The following ATCAY variants were observed in gnomAD, a reference collection of about 807,000 sequenced individuals.
The protein encoded by ATCAY is caytaxin.
Under a neutral mutation model 47.7 loss-of-function variants are expected in ATCAY, and 22 were observed. The observed-to-expected ratio is 0.46, with a 90% CI of 0.33 to 0.66. The LOEUF (loss-of-function observed/expected upper bound fraction) is 0.66, where lower values mean the gene tolerates loss of function less well. ATCAY is among the 30% of genes least tolerant of loss of function. ATCAY has a pLI of 0.02. For synonymous variants in ATCAY, 216 were observed against 207.6 expected, an observed-to-expected ratio of 1.04 and a Z score of -0.35; for missense variants, 452 against 515.0, an observed-to-expected ratio of 0.88 and a Z score of 1.18.
At chr19:3,923,231 A>G (rs1213255121) in intron 12 of ATCAY, among the ~76,000 whole-genome samples, 1 of 152,196 alleles carries the variant, frequency 6.6e-6, no homozygotes, top group African/African-American at 2.4e-5. Context: ...AGCTCTCTGG[A>G]GATGAGTTCA....
Position 3,920,733 on chromosome 19 carries a change from A to G in ATCAY, c.1074-33A>G, listed in dbSNP as rs553274075. ...AATGCCCAGGCTCCCAAAAATAAGCAAATAACGCCCAGTCTCCGTCTCTCC... is the reference window on the plus strand; with the variant it reads ...AATGCCCAGGCTCCCAAAAATAAGCGAATAACGCCCAGTCTCCGTCTCTCC... On this transcript the variant is annotated intron_variant, in intron 11 of 12. Transcript: ENST00000450849. The G allele has an allele frequency of 2.4e-5, 37 of 1,544,798 alleles. 1 individual carries two copies. The South Asian group carries it at 4.4e-4, about 19-fold the overall frequency.
intron 7 of ATCAY, 134 bp downstream of exon 7, chr19:3,909,751 G>C (rs2145251621): frequency 1.5e-6 from 2 of 1,299,402 alleles, no homozygotes; most frequent in East Asian, 5.2e-5. Flanking sequence ...CCAGGAGTTT[G>C]AGACCAGCCT....
chr19:3,884,498 C>G (rs1255307432), intron 1 of ATCAY, among the ~76,000 whole-genome samples: 1 of 152,088 alleles, frequency 6.6e-6, no homozygotes, highest in Non-Finnish European at 1.5e-5. Flanking sequence ...TCTCTTTGAA[C>G]TTGGCATTCC....
At chr19:3,882,977 G>T (rs957844031) in intron 1 of ATCAY, among the ~76,000 whole-genome samples, 1 of 151,864 alleles carries the variant, frequency 6.6e-6, no homozygotes. Flanking sequence ...GAGAGATGGG[G>T]TCTTGCTGTG....
chr19:3,895,936 C>T (rs1433052926), intron 2 of ATCAY, among the ~76,000 whole-genome samples: 8 of 151,920 alleles, frequency 5.3e-5, no homozygotes, highest in Admixed American at 2.6e-4. Flanking sequence ...AGGCTAGTCT[C>T]GAACTCCTAG....
At chr19:3,888,561 C>T (rs572447180) in intron 2 of ATCAY, among the ~76,000 whole-genome samples, 67 of 151,938 alleles carry the variant, frequency 4.4e-4, no homozygotes, top group Non-Finnish European at 7.8e-4. Flanking sequence ...ACTCGGGAGG[C>T]GAAGGTTGCA....
intron 2 of ATCAY, among the ~76,000 whole-genome samples, chr19:3,902,190 T>C (rs1028783309): frequency 4.0e-5 from 6 of 151,298 alleles, no homozygotes; most frequent in African/African-American, 1.5e-4. Context: ...GCCGTGGTGG[T>C]GTGCACCTGT....
chr19:3,910,712 G>C (rs575418065), intron 7 of ATCAY, 91 bp from the exon 8 acceptor site: 2 of 1,297,896 alleles, frequency 1.5e-6, no homozygotes, highest in African/African-American at 1.5e-5. Flanking sequence ...AGTGACGAAT[G>C]CTTGCTTGTG....
intron 2 of ATCAY, among the ~76,000 whole-genome samples, chr19:3,890,973 C>T (rs2038713236): frequency 6.6e-6 from 1 of 152,196 alleles, no homozygotes; most frequent in Non-Finnish European, 1.5e-5. Context: ...ATCCCCTCCC[C>T]TGGGGACTGC....
chr19:3,899,308 C>CTTTTTTTTT (rs146410703), intron 2 of ATCAY, among the ~76,000 whole-genome samples: 1 of 106,934 alleles, frequency 9.4e-6, no homozygotes, highest in African/African-American at 3.7e-5. Flanking sequence ...GGGAATAAAT[C>CTTTTTTTTT]TTTTTTTTTT....
intron 1 of ATCAY, among the ~76,000 whole-genome samples, chr19:3,882,289 C>G (rs2038609055): frequency 2.0e-5 from 3 of 151,692 alleles, no homozygotes; most frequent in African/African-American, 7.3e-5. Context: ...TGGGATTACA[C>G]GTGTGAGCCA....
At chr19:3,913,921 C>A in intron 9 of ATCAY, 65 bp downstream of exon 9, 1 of 1,436,404 alleles carries the variant, frequency 7.0e-7, no homozygotes, top group East Asian at 2.3e-5. Flanking sequence ...AAAGACACAC[C>A]TGAGACAGGG....
intron 6 of ATCAY, 112 bp downstream of exon 6, chr19:3,908,482 C>A: frequency 1.0e-6 from 1 of 1,000,874 alleles, no homozygotes; most frequent in Non-Finnish European, 1.5e-6. Flanking sequence ...TGCCTGGCAC[C>A]AGGGAAGGGC....
At chr19:3,908,700 CCTCCT>C in intron 6 of ATCAY, among the ~76,000 whole-genome samples, 1 of 117,810 alleles carries the variant, frequency 8.5e-6, no homozygotes. Context: ...CCTCCCCCCT[CCTCCT>C]CCCTTTTCTC....
At chr19:3,890,932 A>G (rs1965243432) in intron 2 of ATCAY, among the ~76,000 whole-genome samples, 1 of 152,160 alleles carries the variant, frequency 6.6e-6, no homozygotes. Flanking sequence ...GCCGCAAAAC[A>G]GCTCACAATT....
At chr19:3,883,498 G>A (rs749943029) in intron 1 of ATCAY, among the ~76,000 whole-genome samples, 2 of 152,166 alleles carry the variant, frequency 1.3e-5, no homozygotes, top group African/African-American at 2.4e-5. Flanking sequence ...ACACAGAAAT[G>A]ACTATTGCCT....
chr19:3,923,496 T>C (rs1371548640), intron 12 of ATCAY, among the ~76,000 whole-genome samples: 5 of 149,988 alleles, frequency 3.3e-5, no homozygotes, highest in Admixed American at 1.3e-4. Context: ...GGTGGATAGA[T>C]AGATGAATGA....
At chr19:3,916,890 C>T (rs1282366608) in intron 9 of ATCAY, among the ~76,000 whole-genome samples, 1 of 151,940 alleles carries the variant, frequency 6.6e-6, no homozygotes, top group African/African-American at 2.4e-5. Context: ...TCACCATATC[C>T]TCCAGCTTCT....
At chr19:3,884,286 CTAAATAAATAAA>C (rs113861636) in intron 1 of ATCAY, among the ~76,000 whole-genome samples, 4 of 151,600 alleles carry the variant, frequency 2.6e-5, no homozygotes, top group South Asian at 4.2e-4. Flanking sequence ...GACCCCGTCT[CTAAATAAATAAA>C]TAAATAAATA....
Sources: gnomAD v4.1 joint callset for allele counts (sites outside exome capture counted in the v4.1 genomes callset) on GRCh38, gnomAD v4.1.1 for gene constraint, MANE v1.5 for transcripts, NCBI Gene and HGNC (gene_info 2026-07-23, HGNC 2026-07-21) for gene names.